The following CCDC158 variants were observed in gnomAD, a reference collection of about 807,000 sequenced individuals.
CCDC158 encodes coiled-coil domain-containing protein 158.
In CCDC158, 116 loss-of-function variants were observed where a neutral mutation model predicts 138.6. That is an observed-to-expected ratio of 0.84 (90% confidence interval 0.72 to 0.98). The LOEUF is 0.98. Ranked by LOEUF, CCDC158 falls within the 50% of genes least tolerant of loss-of-function variation. The probability of loss-of-function intolerance (pLI) is 0.00; values close to 1 mark genes in which losing one functional copy is unlikely to be tolerated. For synonymous variants in CCDC158, 436 were observed against 442.4 expected, an observed-to-expected ratio of 0.99 and a Z score of 0.18; for missense variants, 1,265 against 1,306.1, an observed-to-expected ratio of 0.97 and a Z score of 0.48.
intron 24 of CCDC158, among the ~76,000 whole-genome samples, chr4:76,315,826 G>C (rs111611132): frequency 1.3e-5 from 2 of 152,138 alleles, no homozygotes; most frequent in Non-Finnish European, 1.5e-5. Flanking sequence ...CACCAGCCCC[G>C]AGTCTGGTAG....
chr4:76,377,978 A>T (rs1725870167), intron 9 of CCDC158, among the ~76,000 whole-genome samples: 2 of 151,870 alleles, frequency 1.3e-5, no homozygotes, highest in South Asian at 4.1e-4. Context: ...CTTCAGTTGC[A>T]TGTGTGTTGG....
At chr4:76,324,528 A>T (rs1170794043) in intron 23 of CCDC158, among the ~76,000 whole-genome samples, 1 of 152,112 alleles carries the variant, frequency 6.6e-6, no homozygotes, top group Non-Finnish European at 1.5e-5. Context: ...AGGTTTGATG[A>T]GTATCTGACA....
intron 1 of CCDC158, chr4:76,414,451 A>C (rs542575346): frequency 6.6e-6 from 1 of 152,324 alleles, no homozygotes; most frequent in Non-Finnish European, 1.5e-5. Context: ...AAGGGGAAAA[A>C]AATCACAAAT....
intron 18 of CCDC158, among the ~76,000 whole-genome samples, chr4:76,343,861 G>A (rs530687859): frequency 1.1e-4 from 16 of 152,108 alleles, no homozygotes; most frequent in African/African-American, 3.1e-4. Flanking sequence ...ATGAAAGAAC[G>A]GAAAGCTACA....
chr4:76,408,263 T>C (rs1728996944), intron 2 of CCDC158, among the ~76,000 whole-genome samples: 1 of 151,960 alleles, frequency 6.6e-6, no homozygotes, highest in Non-Finnish European at 1.5e-5. Flanking sequence ...TGTACACATG[T>C]GCTATGTTGG....
At chr4:76,324,420 C>T (rs1413588188) in intron 23 of CCDC158, among the ~76,000 whole-genome samples, 8 of 152,108 alleles carry the variant, frequency 5.3e-5, no homozygotes, top group Non-Finnish European at 8.8e-5. Flanking sequence ...CTCCTGACCT[C>T]AGGTGATCCA....
chr4:76,400,276 C>T (rs1189226323), intron 3 of CCDC158, among the ~76,000 whole-genome samples: 1 of 151,856 alleles, frequency 6.6e-6, no homozygotes, highest in African/African-American at 2.4e-5. Context: ...AAGCTGGAAA[C>T]CATTATTCTG....
rs756093518 is a variant in CCDC158, at chr4:76,367,551, G to A, written c.1573C>T (p.Arg525Trp). The part of the protein sequence containing the change: ...TNAEITKLRS[R>W]VDLKLQELQH... The stretch of plus-strand genomic sequence containing the variant: ...AGCTCCTGCAATTTCAAGTCCACCC[G>A]GGAGCGGAGCTTTGTGATCTCTGCA... The change falls in exon 12 of 25, where the codon CGG becomes TGG. Residue 525 changes from arginine to tryptophan, a missense_variant. Transcript: ENST00000682701. The A allele has an allele frequency of 1.4e-5, 22 of 1,614,068 alleles. No homozygotes were observed. Among genetic ancestry groups the A allele is most frequent in the Middle Eastern group, 1.6e-4 (1 of 6,082 alleles).
rs1309308231 is a variant in CCDC158, at chr4:76,355,797, A to ATGTG, written c.2174-362_2174-361insCACA. 3.3e-4 allele frequency among the ~76,000 whole-genome samples: 12 copies of ATGTG among 35,880 alleles called. No individual in the cohort carries two copies. In the South Asian group the frequency reaches 0.017, roughly 52 times the overall value. The allele number at this position is 35,880 out of a possible 152,430, so 23.5% of individuals were successfully genotyped here. ...GAAATATATAATATATAATATATGT[A>ATGTG]CGTGTGTGTGTGTGTGTGTGTGTGT... On this transcript the variant is annotated intron_variant, in intron 14 of 24. Coordinates refer to ENST00000682701, the MANE Select transcript of CCDC158 (RefSeq NM_001394954.1).
chr4:76,404,813 C>T (rs1728685745), intron 2 of CCDC158, among the ~76,000 whole-genome samples: 1 of 151,998 alleles, frequency 6.6e-6, no homozygotes, highest in Non-Finnish European at 1.5e-5. Context: ...TAGCTTGAAC[C>T]CCGGAGTTCA....
intron 24 of CCDC158, among the ~76,000 whole-genome samples, chr4:76,321,689 T>C (rs1455197177): frequency 6.8e-6 from 1 of 146,754 alleles, no homozygotes; most frequent in African/African-American, 2.5e-5. Context: ...TATATATATT[T>C]ACATGGTGTG....
At chr4:76,411,486 C>T (rs971861920) in intron 2 of CCDC158, among the ~76,000 whole-genome samples, 3 of 152,104 alleles carry the variant, frequency 2.0e-5, no homozygotes, top group African/African-American at 7.2e-5. Context: ...CTCATTTTCC[C>T]ATAATAAAGA....
intron 23 of CCDC158, 112 bp downstream of exon 23, chr4:76,325,745 G>C (rs1184344062): frequency 1.1e-5 from 9 of 809,928 alleles, no homozygotes; most frequent in Non-Finnish European, 1.7e-5. Flanking sequence ...GAATCAGTTA[G>C]AGCTTACACA....
chr4:76,346,175 A>G (rs751985961), intron 18 of CCDC158, among the ~76,000 whole-genome samples: 19 of 152,222 alleles, frequency 1.2e-4, no homozygotes, highest in Non-Finnish European at 2.5e-4. Context: ...TGTTGGGAAA[A>G]CTGGTTAGCC....
At chr4:76,313,345 CAT>C (rs1315314922) in intron 24 of CCDC158, 99 bp from the exon 25 acceptor site, 3 of 631,380 alleles carry the variant, frequency 4.8e-6, no homozygotes, top group Non-Finnish European at 7.8e-6. Flanking sequence ...ATAGAATAGA[CAT>C]GTTCTGAGCT....
At chr4:76,406,058 T>C (rs73828792) in intron 2 of CCDC158, among the ~76,000 whole-genome samples, 1,858 of 152,160 alleles carry the variant, frequency 0.012, 33 homozygotes, top group African/African-American at 0.043. Context: ...ATTTTCAAAT[T>C]GACTTTAAAA....
intron 24 of CCDC158, among the ~76,000 whole-genome samples, chr4:76,316,461 A>G (rs1719396376): frequency 6.6e-6 from 1 of 152,192 alleles, no homozygotes; most frequent in Non-Finnish European, 1.5e-5. Context: ...GTCTGGGATT[A>G]TGTTAAACGG....
chr4:76,325,946 G>C lies in CCDC158; in HGVS notation c.3080C>G (p.Ser1027Ter). The C allele has an allele frequency of 6.2e-7, 1 of 1,613,158 alleles. No homozygotes were observed. Among genetic ancestry groups the C allele is most frequent in the Middle Eastern group, 1.7e-4 (1 of 6,060 alleles). ...ACCTTCAACTGAACTAGTTAGGAGT[G>C]AGTGCACTGGAGACTTCTTAGGAGA... ...NSSPKKSPVHSLLTSSVEGSI... is the reference protein window; with the variant it reads ...NSSPKKSPVH The change falls in exon 23 of 25, where the codon TCA becomes TGA. Residue 1027 changes from serine to a stop codon, truncating the protein, a stop_gained. Coordinates refer to ENST00000682701, the MANE Select transcript of CCDC158 (RefSeq NM_001394954.1). LOFTEE classifies it high-confidence loss of function.
At position 76,356,014 on chromosome 4, in the gene CCDC158, C is replaced by T. The variant is rs183820765; in HGVS notation, c.2174-578G>A. ...TTGTCATGTGCTTGGAACTCACTAC[C>T]ATCTCAGTAGCCAAACTGCCAGCAT... is the stretch of plus-strand genomic sequence containing the variant. On this transcript the variant is annotated intron_variant, in intron 14 of 24. Coordinates refer to ENST00000682701, the MANE Select transcript of CCDC158 (RefSeq NM_001394954.1). Among the ~76,000 whole-genome samples the T allele has an allele frequency of 2.8e-3, 424 of 152,138 alleles. 2 individuals are homozygous for T. The highest frequency in any genetic ancestry group is 9.1e-3 in the African/African-American group (379 of 41,498).
Sources: gnomAD v4.1 joint callset for allele counts (sites outside exome capture counted in the v4.1 genomes callset) on GRCh38, gnomAD v4.1.1 for gene constraint, MANE v1.5 for transcripts, NCBI Gene and HGNC (gene_info 2026-07-23, HGNC 2026-07-21) for gene names.